ADAM10: variants seen among roughly 807,000 people sequenced by gnomAD.
ADAM10 encodes disintegrin and metalloproteinase domain-containing protein 10.
In ADAM10, 17 loss-of-function variants were observed where a neutral mutation model predicts 90.1. The observed-to-expected ratio is 0.19, with a 90% CI of 0.13 to 0.28. ADAM10 has a LOEUF of 0.28. ADAM10 is among the 10% of genes least tolerant of loss of function. The probability of loss-of-function intolerance (pLI) is 1.00; values close to 1 mark genes in which losing one functional copy is unlikely to be tolerated. For missense variants in ADAM10, 610 were observed against 914.3 expected, an observed-to-expected ratio of 0.67 and a Z score of 4.29; for synonymous variants, 310 against 298.6, an observed-to-expected ratio of 1.04 and a Z score of -0.40.
At chr15:58,600,351 C>T (rs929599320) in intron 14 of ADAM10, among the ~76,000 whole-genome samples, 1 of 152,148 alleles carries the variant, frequency 6.6e-6, no homozygotes, top group East Asian at 1.9e-4. Flanking sequence ...ACTCTTTAAC[C>T]TACATTGCTT....
chr15:58,721,952 C>A (rs1305553561), intron 1 of ADAM10, among the ~76,000 whole-genome samples: 1 of 151,946 alleles, frequency 6.6e-6, no homozygotes, highest in East Asian at 1.9e-4. Context: ...CGTTTGAACC[C>A]GGGAGGCGAA....
At position 58,721,103 on chromosome 15, in the gene ADAM10, G is replaced by A. The variant is rs144806888; in HGVS notation, c.56-3376C>T. Among the ~76,000 whole-genome samples, 1,489 of 152,316 alleles carry A rather than the reference G, an allele frequency of 9.8e-3. 23 individuals are homozygous for A. Among genetic ancestry groups the A allele is most frequent in the African/African-American group, 0.034 (1,404 of 41,568 alleles). ...AAACAATAACTATTGCTGTTCTGAAGCACTCATGACAAAAGCTCAACGATT... is the reference window on the plus strand; with the variant it reads ...AAACAATAACTATTGCTGTTCTGAAACACTCATGACAAAAGCTCAACGATT... On this transcript the variant is annotated intron_variant, in intron 1 of 15. Coordinates refer to ENST00000260408, the MANE Select transcript of ADAM10 (RefSeq NM_001110.4).
At chr15:58,659,954 T>C (rs1896928584) in intron 5 of ADAM10, among the ~76,000 whole-genome samples, 1 of 152,170 alleles carries the variant, frequency 6.6e-6, no homozygotes. Flanking sequence ...GGTCTCGATC[T>C]CCTGATCTTG....
chr15:58,696,182 G>A (rs184094744), intron 2 of ADAM10, among the ~76,000 whole-genome samples: 14 of 152,054 alleles, frequency 9.2e-5, no homozygotes, highest in Admixed American at 2.6e-4. Flanking sequence ...CCAGCACTTC[G>A]AGAGGCTAAA....
intron 1 of ADAM10, among the ~76,000 whole-genome samples, chr15:58,740,034 A>G (rs1411688474): frequency 1.3e-5 from 2 of 152,254 alleles, no homozygotes; most frequent in Non-Finnish European, 2.9e-5. Flanking sequence ...CATGAAGACT[A>G]AGAATAAAGT....
intron 2 of ADAM10, chr15:58,691,548 T>C: frequency 3.7e-6 from 2 of 537,532 alleles, no homozygotes; most frequent in Non-Finnish European, 7.3e-6. Context: ...TTCAGACAGG[T>C]GTCGCCAGTT....
At chr15:58,675,686 A>G (rs1040815918) in intron 4 of ADAM10, among the ~76,000 whole-genome samples, 8 of 152,212 alleles carry the variant, frequency 5.3e-5, no homozygotes, top group Admixed American at 4.6e-4. Context: ...TAGAGAAATT[A>G]TTAAGTATTT....
chr15:58,632,388 T>C (rs1896127289), intron 9 of ADAM10, among the ~76,000 whole-genome samples: 1 of 152,206 alleles, frequency 6.6e-6, no homozygotes, highest in South Asian at 2.1e-4. Flanking sequence ...GAAATACAGA[T>C]AGAAGATATG....
At chr15:58,705,066 A>C (rs1898240259) in intron 2 of ADAM10, among the ~76,000 whole-genome samples, 1 of 152,206 alleles carries the variant, frequency 6.6e-6, no homozygotes, top group Non-Finnish European at 1.5e-5. Flanking sequence ...CTTTCACTGA[A>C]AATTGTGCTT....
At chr15:58,720,197 C>T (rs138101565) in intron 1 of ADAM10, among the ~76,000 whole-genome samples, 2,636 of 152,114 alleles carry the variant, frequency 0.017, 32 homozygotes, top group Middle Eastern at 0.031. Context: ...GCACAAAGAG[C>T]GGCATAAAAG....
intron 1 of ADAM10, among the ~76,000 whole-genome samples, chr15:58,729,958 T>TAAAAAAAA (rs776357246): frequency 3.4e-5 from 4 of 118,468 alleles, no homozygotes; most frequent in African/African-American, 9.6e-5. Context: ...CGAGGCTCTG[T>TAAAAAAAA]AAAAAAAAAC....
rs116244899 is a variant in ADAM10, at chr15:58,645,966, G to C, written c.735+89C>G. 2.4e-3 allele frequency: 3,406 copies of C among 1,423,732 alleles called. 43 individuals are homozygous for C. The African/African-American group carries it at 0.03, about 12-fold the overall frequency. The allele number at this position is 1,423,732 out of a possible 1,614,324, so 88.2% of individuals were successfully genotyped here. On this transcript the variant is annotated intron_variant, in intron 6 of 15. Transcript: ENST00000260408. ...GAAAACACATACTTTTTCCCAAAAAGAGAATACACTAACTTAAATTTTTAA... is the reference window on the plus strand; with the variant it reads ...GAAAACACATACTTTTTCCCAAAAACAGAATACACTAACTTAAATTTTTAA...
At chr15:58,671,451 T>C (rs553679649) in intron 4 of ADAM10, among the ~76,000 whole-genome samples, 7 of 152,334 alleles carry the variant, frequency 4.6e-5, no homozygotes, top group African/African-American at 1.2e-4. Context: ...GGTACAAACA[T>C]AAATCTATGA....
intron 14 of ADAM10, among the ~76,000 whole-genome samples, chr15:58,600,703 G>C (rs1338736263): frequency 6.6e-6 from 1 of 152,108 alleles, no homozygotes; most frequent in African/African-American, 2.4e-5. Context: ...GAAAATTACT[G>C]TGTCTAGTCT....
intron 2 of ADAM10, chr15:58,692,107 C>T: frequency 2.0e-6 from 1 of 491,232 alleles, no homozygotes; most frequent in Non-Finnish European, 4.1e-6. Context: ...ACTCTGGCAT[C>T]AAATCATCAA....
chr15:58,616,781 A>G (rs8027151), intron 11 of ADAM10, among the ~76,000 whole-genome samples: 28,784 of 152,178 alleles, frequency 0.19, 3,561 homozygotes, highest in Non-Finnish European at 0.28. Flanking sequence ...AATGAAGATC[A>G]GAGCAGAAAT....
chr15:58,594,428 T>G lies in ADAM10; in HGVS notation c.*3119A>C, dbSNP rs1210040600. ...TACAAGGACTGAGGGTCGAGTAGTT[T>G]GCTCCGCTTGGACAAATCAGATTTC... On this transcript the variant is annotated 3_prime_UTR_variant, in exon 16 of 16. Coordinates refer to ENST00000260408, the MANE Select transcript of ADAM10 (RefSeq NM_001110.4). The G allele has an allele frequency of 6.6e-6, 1 of 152,232 alleles. No individual in the cohort carries two copies. Among genetic ancestry groups the G allele is most frequent in the East Asian group, 1.9e-4 (1 of 5,206 alleles). The allele number at this position is 152,232 out of a possible 1,614,324, so 9.4% of individuals were successfully genotyped here.
intron 1 of ADAM10, among the ~76,000 whole-genome samples, chr15:58,719,492 A>G (rs973595695): frequency 1.2e-5 from 1 of 83,826 alleles, no homozygotes; most frequent in Admixed American, 1.2e-4. Context: ...CTTTTATAAA[A>G]CAAGTTGTCT....
intron 1 of ADAM10, among the ~76,000 whole-genome samples, chr15:58,727,402 G>A (rs573083066): frequency 6.6e-6 from 1 of 152,100 alleles, no homozygotes; most frequent in East Asian, 1.9e-4. Context: ...TGTTGGCCAG[G>A]TTGGTCTCAG....
Sources: allele counts gnomAD v4.1 joint callset (sites outside exome capture counted in the v4.1 genomes callset), GRCh38; gene constraint gnomAD v4.1.1; transcripts MANE v1.5; gene names NCBI Gene and HGNC (gene_info 2026-07-23, HGNC 2026-07-21).